The following TTC29 variants were observed in gnomAD, a reference collection of about 807,000 sequenced individuals.
TTC29 encodes tetratricopeptide repeat protein 29.
In TTC29, 49 loss-of-function variants were observed where a neutral mutation model predicts 58.1. The ratio of observed to expected loss-of-function variants is 0.84; its 90% CI spans 0.67 to 1.07. The LOEUF (loss-of-function observed/expected upper bound fraction) is 1.07, where lower values mean the gene tolerates loss of function less well. Among genes scored for constraint, TTC29 ranks in the 50% least tolerant of loss-of-function variants. The probability of loss-of-function intolerance (pLI) is 0.00; values close to 1 mark genes in which losing one functional copy is unlikely to be tolerated. For missense variants in TTC29, 582 were observed against 555.6 expected (o/e 1.05, Z -0.48); for synonymous variants, 209 against 196.8 (o/e 1.06, Z -0.52).
chr4:146,941,961 T>A lies in TTC29; in HGVS notation c.-6-2060A>T, dbSNP rs1034664552. Among the ~76,000 whole-genome samples the A allele has an allele frequency of 2.0e-5, 3 of 152,180 alleles. No homozygotes were observed. The East Asian group carries it at 5.8e-4, about 29-fold the overall frequency. On this transcript the variant is annotated intron_variant, in intron 2 of 12. Coordinates refer to ENST00000325106, the MANE Select transcript of TTC29 (RefSeq NM_031956.4). ...CCACCTGTGGATAGCTAAGACACAATATTCCTCTAGTGCTACAAAGCCATG... is the reference window on the plus strand; with the variant it reads ...CCACCTGTGGATAGCTAAGACACAAAATTCCTCTAGTGCTACAAAGCCATG...
At chr4:146,864,750 C>T (rs1730459376) in intron 8 of TTC29, among the ~76,000 whole-genome samples, 1 of 152,214 alleles carries the variant, frequency 6.6e-6, no homozygotes, top group East Asian at 1.9e-4. Flanking sequence ...TTTTCCTCTG[C>T]ACATGTGGCT....
chr4:146,851,453 A>AT (rs1317894475), intron 8 of TTC29, among the ~76,000 whole-genome samples: 1 of 152,132 alleles, frequency 6.6e-6, no homozygotes, highest in East Asian at 1.9e-4. Flanking sequence ...GATTGATGAA[A>AT]AGGACCCCAT....
intron 9 of TTC29, among the ~76,000 whole-genome samples, chr4:146,820,644 C>T (rs1751751428): frequency 6.6e-6 from 1 of 152,020 alleles, no homozygotes; most frequent in Non-Finnish European, 1.5e-5. Context: ...TTCATAATAG[C>T]CAAGGCATGA....
intron 4 of TTC29, among the ~76,000 whole-genome samples, chr4:146,926,505 C>T (rs1176351539): frequency 6.6e-6 from 1 of 151,966 alleles, no homozygotes; most frequent in Admixed American, 6.6e-5. Context: ...CGGAGTCCTG[C>T]CTTGTCGCCC....
intron 11 of TTC29, among the ~76,000 whole-genome samples, chr4:146,722,721 C>G (rs1579523447): frequency 6.6e-6 from 1 of 151,372 alleles, no homozygotes; most frequent in African/African-American, 2.4e-5. Context: ...TTTTTTGAGA[C>G]AGGGTCTCAC....
chr4:146,754,062 A>T (rs1746240550), intron 11 of TTC29, among the ~76,000 whole-genome samples: 1 of 152,042 alleles, frequency 6.6e-6, no homozygotes, highest in South Asian at 2.1e-4. Context: ...AATAATACAA[A>T]AAAATAAAAT....
intron 4 of TTC29, among the ~76,000 whole-genome samples, chr4:146,937,231 T>A (rs1735908091): frequency 6.6e-6 from 1 of 152,088 alleles, no homozygotes; most frequent in African/African-American, 2.4e-5. Flanking sequence ...TGTTTCTTTT[T>A]CTTTAATCAC....
chr4:146,826,997 C>T (rs1727848786), intron 9 of TTC29, among the ~76,000 whole-genome samples: 1 of 150,784 alleles, frequency 6.6e-6, no homozygotes, highest in Admixed American at 6.6e-5. Context: ...GTTAGGAATT[C>T]CTCTAACCTT....
At chr4:146,848,348 T>C (rs902705251) in intron 8 of TTC29, among the ~76,000 whole-genome samples, 6 of 152,240 alleles carry the variant, frequency 3.9e-5, no homozygotes, top group Admixed American at 2.6e-4. Context: ...ATAATGTTTT[T>C]ACACAGTTTA....
chr4:146,801,263 A>T (rs944280844), intron 11 of TTC29, among the ~76,000 whole-genome samples: 16 of 152,186 alleles, frequency 1.1e-4, no homozygotes, highest in Non-Finnish European at 5.9e-5. Context: ...ACGTCTTTTG[A>T]ACTAAAAAAT....
chr4:146,915,815 C>T (rs923803057), intron 4 of TTC29, among the ~76,000 whole-genome samples: 2 of 151,536 alleles, frequency 1.3e-5, no homozygotes, highest in Non-Finnish European at 3.0e-5. Flanking sequence ...CAAGATGAAG[C>T]TTTACAGTCA....
chr4:146,809,877 C>A (rs1455079660), intron 10 of TTC29, among the ~76,000 whole-genome samples: 6 of 145,416 alleles, frequency 4.1e-5, no homozygotes, highest in South Asian at 4.4e-4. Context: ...AATCTAGAAC[C>A]AGAAATACCA....
chr4:146,803,184 T>C (rs1003676365), intron 11 of TTC29, among the ~76,000 whole-genome samples: 2 of 152,114 alleles, frequency 1.3e-5, no homozygotes, highest in African/African-American at 2.4e-5. Context: ...GTACCTATTG[T>C]TGACTAAGAT....
chr4:146,814,130 A>T (rs890024427), intron 10 of TTC29, among the ~76,000 whole-genome samples: 1 of 152,226 alleles, frequency 6.6e-6, no homozygotes, highest in East Asian at 1.9e-4. Context: ...ATTCTGTGCC[A>T]GGTTTTTTTC....
chr4:146,929,877 G>A (rs1735189723), intron 4 of TTC29, among the ~76,000 whole-genome samples: 1 of 151,722 alleles, frequency 6.6e-6, no homozygotes, highest in African/African-American at 2.4e-5. Flanking sequence ...GACTTAACAT[G>A]CTTACACTTT....
At chr4:146,757,243 C>T (rs1284594498) in intron 11 of TTC29, among the ~76,000 whole-genome samples, 4 of 151,662 alleles carry the variant, frequency 2.6e-5, no homozygotes, top group Admixed American at 6.6e-5. Flanking sequence ...TGATGTAGTA[C>T]TCTCCCCCTT....
chr4:146,859,182 A>G (rs1045126718), intron 8 of TTC29, among the ~76,000 whole-genome samples: 1 of 152,142 alleles, frequency 6.6e-6, no homozygotes, highest in Non-Finnish European at 1.5e-5. Context: ...GATTCAAACT[A>G]CAGATAGAAT....
In TTC29 at chr4:146,799,776, T is replaced by C. The variant is rs1024480956; in HGVS notation, c.1330+3681A>G. On this transcript the variant is annotated intron_variant, in intron 11 of 12. Transcript: ENST00000325106. ...TCAGTGAAGTGGTTAACAATATTGG[T>C]ATTTAAATGGCTATAATTACATTTC... Among the ~76,000 whole-genome samples the C allele has an allele frequency of 2.6e-5, 4 of 152,214 alleles. No homozygotes were observed. In the South Asian group the frequency reaches 8.3e-4, roughly 32 times the overall value.
intron 10 of TTC29, 109 bp downstream of exon 10, chr4:146,820,016 A>G (rs542689986): frequency 2.6e-5 from 38 of 1,439,926 alleles, no homozygotes; most frequent in Non-Finnish European, 3.3e-5. Context: ...GCCATTCTGC[A>G]TAATATATTG....
Sources: gnomAD v4.1 joint callset for allele counts (sites outside exome capture counted in the v4.1 genomes callset) on GRCh38, gnomAD v4.1.1 for gene constraint, MANE v1.5 for transcripts, NCBI Gene and HGNC (gene_info 2026-07-23, HGNC 2026-07-21) for gene names.